Variants in ARHGEF4 observed in about 807,000 individuals in gnomAD.
ARHGEF4 encodes APC-stimulated guanine nucleotide exchange factor 1.
A neutral mutation model predicts 162.0 loss-of-function variants in ARHGEF4; 119 were observed. The observed-to-expected ratio is 0.73, with a 90% CI of 0.63 to 0.86. The LOEUF (loss-of-function observed/expected upper bound fraction) is 0.86, where lower values mean the gene tolerates loss of function less well. Among genes scored for constraint, ARHGEF4 ranks in the 40% least tolerant of loss-of-function variants. The pLI, the probability that ARHGEF4 is intolerant of heterozygous loss-of-function variation, is 0.00. For missense variants in ARHGEF4, 2,488 were observed against 2,456.0 expected, an observed-to-expected ratio of 1.01 and a Z score of -0.28; for synonymous variants, 1,014 against 979.9, an observed-to-expected ratio of 1.03 and a Z score of -0.65.
At chr2:131,022,797 A>G (rs1231366540) in intron 4 of ARHGEF4, among the ~76,000 whole-genome samples, 2 of 152,082 alleles carry the variant, frequency 1.3e-5, no homozygotes, top group Non-Finnish European at 2.9e-5. Context: ...CAAAAGCATG[A>G]CTCATAAAAG....
At chr2:130,855,379 T>G (rs1681707773) in intron 1 of ARHGEF4, among the ~76,000 whole-genome samples, 1 of 152,114 alleles carries the variant, frequency 6.6e-6, no homozygotes, top group South Asian at 2.1e-4. Context: ...GTTATACTCA[T>G]GGTTATGGTT....
At chr2:131,038,736 C>T in intron 5 of ARHGEF4, 117 bp from the exon 6 acceptor site, 1 of 1,184,198 alleles carries the variant, frequency 8.4e-7, no homozygotes, top group East Asian at 2.5e-5. Context: ...TTGTCAGCTC[C>T]TCTGTAAAGA....
At chr2:130,993,843 G>A (rs567672245) in intron 4 of ARHGEF4, among the ~76,000 whole-genome samples, 41 of 152,228 alleles carry the variant, frequency 2.7e-4, no homozygotes, top group African/African-American at 9.6e-4. Context: ...GTGCAATGGT[G>A]TGATCTTGGC....
intron 1 of ARHGEF4, among the ~76,000 whole-genome samples, chr2:130,911,088 G>C (rs1052404090): frequency 6.6e-6 from 1 of 152,194 alleles, no homozygotes; most frequent in Non-Finnish European, 1.5e-5. Flanking sequence ...TCCACTGAAG[G>C]TTTCGGCCAA....
At chr2:130,922,194 A>C (rs970520673) in intron 2 of ARHGEF4, among the ~76,000 whole-genome samples, 2 of 151,490 alleles carry the variant, frequency 1.3e-5, no homozygotes, top group African/African-American at 2.4e-5. Context: ...ACATGGAGAA[A>C]CCCTGTCTCT....
chr2:130,878,627 G>A (rs1209579663), intron 1 of ARHGEF4, among the ~76,000 whole-genome samples: 1 of 152,214 alleles, frequency 6.6e-6, no homozygotes, highest in Non-Finnish European at 1.5e-5. Context: ...GATGGAACCA[G>A]GCTGTGTATT....
At chr2:130,954,195 T>C (rs918457025) in intron 4 of ARHGEF4, among the ~76,000 whole-genome samples, 3 of 152,182 alleles carry the variant, frequency 2.0e-5, no homozygotes, top group African/African-American at 7.2e-5. Flanking sequence ...AAATGTGGCA[T>C]ATATACACCG....
intron 4 of ARHGEF4, among the ~76,000 whole-genome samples, chr2:130,975,800 A>G (rs1685662511): frequency 6.6e-6 from 1 of 152,156 alleles, no homozygotes; most frequent in Admixed American, 6.5e-5. Flanking sequence ...TCTGAGAGTC[A>G]TTGCTTGGCA....
intron 3 of ARHGEF4, among the ~76,000 whole-genome samples, chr2:130,939,397 G>C (rs1262018750): frequency 1.3e-5 from 2 of 152,070 alleles, no homozygotes; most frequent in African/African-American, 4.8e-5. Context: ...AAATCAGTTG[G>C]ATATACTTAT....
intron 2 of ARHGEF4, among the ~76,000 whole-genome samples, chr2:130,924,722 A>G (rs1574240431): frequency 1.3e-5 from 2 of 152,200 alleles, no homozygotes; most frequent in East Asian, 3.8e-4. Flanking sequence ...GGGCTTAGGA[A>G]GGACACCAAG....
At chr2:130,988,872 GTATATATATATATATATA>G (rs58656982) in intron 4 of ARHGEF4, among the ~76,000 whole-genome samples, 1 of 108,506 alleles carries the variant, frequency 9.2e-6, no homozygotes, top group East Asian at 2.5e-4. Context: ...GTGTGTGTGT[GTATATATATATATATATA>G]TATATATATA....
In ARHGEF4 at chr2:131,046,115, G is replaced by C. The variant is rs748543061; in HGVS notation, c.5557G>C (p.Val1853Leu). The C allele has an allele frequency of 1.2e-6, 2 of 1,612,820 alleles. No homozygotes were observed. The highest frequency in any genetic ancestry group is 8.5e-7 in the Non-Finnish European group (1 of 1,179,916). ...PSNRPQQQVL[V>L]LAEPRRKPST... ...CAACCGGCCCCAGCAGCAGGTCCTG[G>C]TGCTGGCGGAGCCCAGGCGCAAGCC... is the stretch of plus-strand genomic sequence containing the variant. The change falls in exon 14 of 14, where the codon GTG becomes CTG. Residue 1853 changes from valine (V) to leucine (L), a missense_variant. Physicochemically the swap from Val to Leu is conservative, Grantham distance 32. Transcript: ENST00000409359.
chr2:130,870,753 A>T (rs1158434460), intron 1 of ARHGEF4, among the ~76,000 whole-genome samples: 1 of 152,118 alleles, frequency 6.6e-6, no homozygotes, highest in Admixed American at 6.5e-5. Flanking sequence ...AGCCAGAGTA[A>T]CCTGGAAGCA....
At position 130,931,044 on chromosome 2, in the gene ARHGEF4, C is replaced by T. The variant is rs1385758931; in HGVS notation, c.3645C>T (p.Cys1215=). 1 of 1,614,068 alleles carries T rather than the reference C, an allele frequency of 6.2e-7. No homozygotes were observed. Among genetic ancestry groups the T allele is most frequent in the Non-Finnish European group, 8.5e-7 (1 of 1,180,028 alleles). The part of the protein sequence containing the change: ...AFHMEPAQKP[C]FTTDMVTWAL... ...ACATGGAGCCTGCCCAGAAGCCCTG[C>T]TTCACCACTGACATGGTGACATGGG... The change falls in exon 3 of 14, where the codon TGC becomes TGT. Residue 1215 remains cysteine (C), a synonymous_variant. Transcript: ENST00000409359.
At chr2:130,977,141 ATGTT>A (rs1366370587) in intron 4 of ARHGEF4, among the ~76,000 whole-genome samples, 3 of 150,404 alleles carry the variant, frequency 2.0e-5, no homozygotes, top group Non-Finnish European at 4.4e-5. Context: ...ATGTCTGTGT[ATGTT>A]AGTGTGTAGC....
Position 130,916,243 on chromosome 2 carries a change from G to A in ARHGEF4, c.2297G>A (p.Arg766His), listed in dbSNP as rs1278511129. 1 of 1,528,058 alleles carries A rather than the reference G, an allele frequency of 6.5e-7. No individual in the cohort carries two copies. The highest frequency in any genetic ancestry group is 8.8e-7 in the Non-Finnish European group (1 of 1,139,302). The allele number at this position is 1,528,058 out of a possible 1,614,324, so 94.7% of individuals were successfully genotyped here. ...GGTGCTGCAGCAGCCCGGGGCCAGCGCCCCCGCGTCCCCGCCTTGGAGCCG... is the reference window on the plus strand; with the variant it reads ...GGTGCTGCAGCAGCCCGGGGCCAGCACCCCCGCGTCCCCGCCTTGGAGCCG... ...EGGAAAARGQ[R>H]PRVPALEPPQ... Residue 766 changes from arginine to histidine, a missense_variant, in exon 2 of 14, where the codon CGC becomes CAC. Coordinates refer to ENST00000409359, the MANE Select transcript of ARHGEF4 (RefSeq NM_001367493.1).
At chr2:130,951,114 G>A (rs1326601920) in intron 4 of ARHGEF4, among the ~76,000 whole-genome samples, 5 of 152,184 alleles carry the variant, frequency 3.3e-5, no homozygotes, top group Non-Finnish European at 7.3e-5. Context: ...TTAGCTTAAA[G>A]GAGTGTTGTG....
chr2:130,987,730 C>A (rs1686618499), intron 4 of ARHGEF4, among the ~76,000 whole-genome samples: 1 of 152,206 alleles, frequency 6.6e-6, no homozygotes, highest in Non-Finnish European at 1.5e-5. Context: ...AGCCTGCAGA[C>A]CCCCAGCAGT....
intron 3 of ARHGEF4, among the ~76,000 whole-genome samples, chr2:130,942,583 T>TA (rs1683375843): frequency 1.3e-5 from 2 of 152,318 alleles, no homozygotes; most frequent in Admixed American, 1.3e-4. Context: ...TGGTGTAACA[T>TA]ACAAGGGTTA....
Sources: gnomAD v4.1 joint callset for allele counts (sites outside exome capture counted in the v4.1 genomes callset) on GRCh38, gnomAD v4.1.1 for gene constraint, MANE v1.5 for transcripts, NCBI Gene and HGNC (gene_info 2026-07-23, HGNC 2026-07-21) for gene names.